Variants in DNM1 observed in about 807,000 individuals in gnomAD.
The protein encoded by DNM1 is dynamin-1.
Under a neutral mutation model 104.6 loss-of-function variants are expected in DNM1, and 29 were observed. That is an observed-to-expected ratio of 0.28 (90% CI 0.21 to 0.38). The LOEUF is 0.38. Ranked by LOEUF, DNM1 falls within the 10% of genes least tolerant of loss-of-function variation. DNM1 has a pLI of 1.00. For missense variants in DNM1, 640 were observed against 1,189.4 expected (o/e 0.54, Z 6.79); for synonymous variants, 445 against 475.8 (o/e 0.94, Z 0.84).
At position 128,243,389 on chromosome 9, in the gene DNM1, CG is replaced by C. The variant is rs144072096; in HGVS notation, c.1671+1049del. Among the ~76,000 whole-genome samples the C allele has an allele frequency of 1.6e-4, 25 of 152,134 alleles. No homozygotes were observed. Among genetic ancestry groups the C allele is most frequent in the Admixed American group, 1.6e-3 (25 of 15,280 alleles). On this transcript the variant is annotated intron_variant, in intron 15 of 21. Coordinates refer to ENST00000372923, the MANE Select transcript of DNM1 (RefSeq NM_004408.4). The surrounding 1 kb of genome is among the most constrained non-coding windows in gnomAD (Gnocchi z 4.0). The stretch of plus-strand genomic sequence containing the variant: ...CTGTTGGAGGCTACAGCATCCTCAA[CG>C]GGGGAGCGGGGCTCTGGGTGGGGCC...
chr9:128,249,383 G>A (rs1330886380), intron 19 of DNM1, among the ~76,000 whole-genome samples: 10 of 151,386 alleles, frequency 6.6e-5, no homozygotes, highest in Non-Finnish European at 1.0e-4. Context: ...TTGGCCGGGC[G>A]CGGTAGTTCA....
Position 128,218,115 on chromosome 9 carries a change from G to A in DNM1, c.162-116G>A, listed in dbSNP as rs1834721519. The A allele has an allele frequency of 9.6e-6, 9 of 938,962 alleles. No homozygotes were observed. Among genetic ancestry groups the A allele is most frequent in the Admixed American group, 5.1e-5 (3 of 58,646 alleles). 58.2% of individuals were successfully genotyped at this position (938,962 alleles called of 1,614,324 possible). A position where few individuals can be genotyped will look rare whatever the true frequency, so the allele number is the denominator to read the frequency against. Reference sequence around the variant, plus strand: ...ACCTGAAGCCCCTGGGCTAAGGAGCGGTGGAGCCAGCACTTTGGAAGGAGC... The same window carrying A: ...ACCTGAAGCCCCTGGGCTAAGGAGCAGTGGAGCCAGCACTTTGGAAGGAGC... On this transcript the variant is annotated intron_variant, in intron 1 of 21. Coordinates refer to ENST00000372923, the MANE Select transcript of DNM1 (RefSeq NM_004408.4). This position sits in a 1 kb window ranked among gnomAD's most constrained non-coding sequence, Gnocchi z 4.8.
In DNM1 at chr9:128,203,379, A is replaced by G; in HGVS notation, c.-92A>G. Reference sequence around the variant, plus strand: ...GGGGCGGGGGCCCCGCGGCGCAGGCAGTCTGGGCGCGCGGCTGCAGCGGCG... The same window carrying G: ...GGGGCGGGGGCCCCGCGGCGCAGGCGGTCTGGGCGCGCGGCTGCAGCGGCG... On this transcript the variant is annotated 5_prime_UTR_variant, in exon 1 of 22. Transcript: ENST00000372923. This position sits in a 1 kb window ranked among gnomAD's most constrained non-coding sequence, Gnocchi z 5.3. The G allele has an allele frequency of 8.2e-7, 1 of 1,217,986 alleles. No individual in the cohort carries two copies. The highest frequency in any genetic ancestry group is 1.0e-6 in the Non-Finnish European group (1 of 963,388). 75.4% of individuals were successfully genotyped at this position (1,217,986 alleles called of 1,614,324 possible).
At position 128,253,014 on chromosome 9, in the gene DNM1, G is replaced by T; in HGVS notation, c.2535-1640G>T. 1.5e-6 allele frequency: 2 copies of T among 1,332,314 alleles called. No homozygotes were observed. 82.5% of individuals were successfully genotyped at this position (1,332,314 alleles called of 1,614,324 possible). On this transcript the variant is annotated intron_variant, in intron 21 of 21. Transcript: ENST00000372923. The surrounding 1 kb of genome is among the most constrained non-coding windows in gnomAD (Gnocchi z 5.9). ...CCTCACAGCATGTGTGTGCACGCCC[G>T]GGCGTGTGCGTGTGTGTGTCCCCCA...
chr9:128,212,110 A>G (rs868595314), intron 1 of DNM1, among the ~76,000 whole-genome samples: 2 of 152,222 alleles, frequency 1.3e-5, no homozygotes, highest in Non-Finnish European at 1.5e-5. Flanking sequence ...AGCACATGGC[A>G]CGTGCTCAGG....
Position 128,245,699 on chromosome 9 carries a change from C to T in DNM1, c.1672-695C>T, listed in dbSNP as rs117932470. Reference sequence around the variant, plus strand: ...AGGCATGGCTCTGCAAACATGTAGGCTCGCACAATTGCCACACACATCCAC... The same window carrying T: ...AGGCATGGCTCTGCAAACATGTAGGTTCGCACAATTGCCACACACATCCAC... On this transcript the variant is annotated intron_variant, in intron 15 of 21. Coordinates refer to ENST00000372923, the MANE Select transcript of DNM1 (RefSeq NM_004408.4). This position sits in a 1 kb window ranked among gnomAD's most constrained non-coding sequence, Gnocchi z 5.2. Among the ~76,000 whole-genome samples, 1 of 152,346 alleles carries T rather than the reference C, an allele frequency of 6.6e-6. No individual in the cohort carries two copies. Among genetic ancestry groups the T allele is most frequent in the East Asian group, 1.9e-4 (1 of 5,192 alleles).
Position 128,250,785 on chromosome 9 carries a change from C to T in DNM1, c.2379C>T (p.Pro793=), listed in dbSNP as rs1215135225. The change falls in exon 21 of 22, where the codon CCC becomes CCT. Residue 793 remains proline (P), a synonymous_variant. Coordinates refer to ENST00000372923, the MANE Select transcript of DNM1 (RefSeq NM_004408.4). ...RRAPAVPPAR[P]GSRGPAPGPP... ...CCCCCGCCGTGCCCCCAGCCCGGCC[C>T]GGGTCGCGGGGCCCTGCTCCTGGGC... 3.6e-6 allele frequency: 5 copies of T among 1,373,954 alleles called. No homozygotes were observed. The highest frequency in any genetic ancestry group is 1.5e-5 in the African/African-American group (1 of 65,612). The allele number at this position is 1,373,954 out of a possible 1,614,324, so 85.1% of individuals were successfully genotyped here. A position where few individuals can be genotyped will look rare whatever the true frequency, so the allele number is the denominator to read the frequency against.
chr9:128,250,136 G>C lies in DNM1; in HGVS notation c.2098G>C (p.Glu700Gln). Residue 700 changes from glutamate (E) to glutamine (Q), a missense_variant, in exon 20 of 22, where the codon GAG becomes CAG. This residue lies in a region of DNM1 where 129 missense variants were observed against 224.6 expected (regional missense o/e 0.57). Transcript: ENST00000372923. ...GCAGACCAAGGAGTTCATCTTCTCG[G>C]AGCTGCTGGCCAACCTGTACTCGTG... is the stretch of plus-strand genomic sequence containing the variant. ...INNTKEFIFS[E>Q]LLANLYSCGD... is the part of the protein sequence containing the mutation. 1 of 1,614,184 alleles carries C rather than the reference G, an allele frequency of 6.2e-7. No homozygotes were observed. Among genetic ancestry groups the C allele is most frequent in the Non-Finnish European group, 8.5e-7 (1 of 1,180,026 alleles).
Position 128,243,920 on chromosome 9 carries a change from G to T in DNM1, c.1671+1575G>T, listed in dbSNP as rs1298759172. Among the ~76,000 whole-genome samples the T allele has an allele frequency of 6.6e-6, 1 of 151,666 alleles. No homozygotes were observed. The highest frequency in any genetic ancestry group is 2.4e-5 in the African/African-American group (1 of 41,138). On this transcript the variant is annotated intron_variant, in intron 15 of 21. Coordinates refer to ENST00000372923, the MANE Select transcript of DNM1 (RefSeq NM_004408.4). The surrounding 1 kb of genome is among the most constrained non-coding windows in gnomAD (Gnocchi z 4.0). ...GATGGGAGTCAGCTGTGGGCTGTGG[G>T]TGCTGGGAGGCGGGGTGTGTTTGTG...
chr9:128,226,190 G>A, intron 10 of DNM1: 1 of 1,612,482 alleles, frequency 6.2e-7, no homozygotes, highest in Non-Finnish European at 8.5e-7. Flanking sequence ...CGGCCGCCTG[G>A]GCGGGGCTGG....
chr9:128,247,405 G>T lies in DNM1; in HGVS notation c.1812G>T (p.Glu604Asp). ...RNVYKDYRQLELACETQEEVD... is the reference protein window; with the variant it reads ...RNVYKDYRQLDLACETQEEVD... ...TCTACAAGGATTATCGGCAGCTGGA[G>T]CTAGCCTGTGAGACACAGGAGGAGG... is the stretch of plus-strand genomic sequence containing the variant. The change falls in exon 17 of 22, where the codon GAG (glutamate) becomes GAT (aspartate). Residue 604 changes from glutamate (E) to aspartate (D), a missense_variant. This residue lies in a region of DNM1 where 91 missense variants were observed against 256.3 expected (regional missense o/e 0.36). Coordinates refer to ENST00000372923, the MANE Select transcript of DNM1 (RefSeq NM_004408.4). The surrounding 1 kb of genome is among the most constrained non-coding windows in gnomAD (Gnocchi z 5.1). 1 of 1,613,404 alleles carries T rather than the reference G, an allele frequency of 6.2e-7. No individual in the cohort carries two copies. The highest frequency in any genetic ancestry group is 8.5e-7 in the Non-Finnish European group (1 of 1,179,542).
chr9:128,234,141 T>TC, intron 11 of DNM1, 34 bp downstream of exon 11: 1 of 1,485,964 alleles, frequency 6.7e-7, no homozygotes, highest in Non-Finnish European at 9.0e-7. Context: ...GGCCGCGCCT[T>TC]CCTTCCACTC....
At position 128,231,934 on chromosome 9, in the gene DNM1, G is replaced by A. The variant is rs1045136386; in HGVS notation, c.1336-2087G>A. 2.2e-5 allele frequency: 10 copies of A among 451,392 alleles called. 1 individual carries two copies. Among genetic ancestry groups the A allele is most frequent in the South Asian group, 1.3e-4 (8 of 63,862 alleles). The allele number at this position is 451,392 out of a possible 1,614,324, so 28.0% of individuals were successfully genotyped here. A position where few individuals can be genotyped will look rare whatever the true frequency, so the allele number is the denominator to read the frequency against. On this transcript the variant is annotated intron_variant, in intron 10 of 21. Transcript: ENST00000372923. ...TGACTGCTAACCCGGTGGGCTCCAG[G>A]CTGATCGCCCCCTCAGCCAAGGGCT...
intron 1 of DNM1, among the ~76,000 whole-genome samples, chr9:128,205,051 C>T (rs1371906575): frequency 2.0e-5 from 3 of 152,054 alleles, no homozygotes; most frequent in East Asian, 3.9e-4. Flanking sequence ...GGAAGGCCAC[C>T]GTGGGGGCGG....
At position 128,203,782 on chromosome 9, in the gene DNM1, C is replaced by T. The variant is rs1833652563; in HGVS notation, c.161+151C>T. On this transcript the variant is annotated intron_variant, in intron 1 of 21. Coordinates refer to ENST00000372923, the MANE Select transcript of DNM1 (RefSeq NM_004408.4). This position sits in a 1 kb window ranked among gnomAD's most constrained non-coding sequence, Gnocchi z 5.3. ...CACCCCCAGCCGGAGCGAGGAGGCCCTCCCCCCACCACGAGAGCCCCTCGG... is the reference window on the plus strand; with the variant it reads ...CACCCCCAGCCGGAGCGAGGAGGCCTTCCCCCCACCACGAGAGCCCCTCGG... 3.1e-6 allele frequency: 2 copies of T among 650,538 alleles called. No individual in the cohort carries two copies. The highest frequency in any genetic ancestry group is 4.3e-6 in the Non-Finnish European group (2 of 466,080). The allele number at this position is 650,538 out of a possible 1,614,324, so 40.3% of individuals were successfully genotyped here.
rs1353321688 is a variant in DNM1 at position 128,220,474 on chromosome 9, A to C, written c.849+133A>C. ...TAGACAAACTGAGCCTCAGAAAAGC[A>C]AAGCAACTTGCCCACAGCCCCACAG... On this transcript the variant is annotated intron_variant, in intron 6 of 21. Coordinates refer to ENST00000372923, the MANE Select transcript of DNM1 (RefSeq NM_004408.4). This position sits in a 1 kb window ranked among gnomAD's most constrained non-coding sequence, Gnocchi z 5.2. 13 of 1,191,846 alleles carry C rather than the reference A, an allele frequency of 1.1e-5. No homozygotes were observed. The highest frequency in any genetic ancestry group is 1.5e-5 in the Non-Finnish European group (13 of 859,128). 73.8% of individuals were successfully genotyped at this position (1,191,846 alleles called of 1,614,324 possible). A position where few individuals can be genotyped will look rare whatever the true frequency, so the allele number is the denominator to read the frequency against.
intron 11 of DNM1, among the ~76,000 whole-genome samples, chr9:128,238,738 C>T (rs13440295): frequency 0.036 from 5,431 of 151,332 alleles, 318 homozygotes; most frequent in African/African-American, 0.12. Flanking sequence ...TCACTGCAAG[C>T]TCCGCCTCCT....
chr9:128,248,397 G>C lies in DNM1; in HGVS notation c.1906-186G>C, dbSNP rs772292701. 5.9e-5 allele frequency: 36 copies of C among 605,134 alleles called. No homozygotes were observed. The highest frequency in any genetic ancestry group is 9.9e-5 in the Non-Finnish European group (35 of 352,296). 37.5% of individuals were successfully genotyped at this position (605,134 alleles called of 1,614,324 possible). Reference sequence around the variant, plus strand: ...GGCACTAGAGTCAGAACCAAGACAAGGCTGAATCAGGGGAGTCTAGGGTCC... The same window carrying C: ...GGCACTAGAGTCAGAACCAAGACAACGCTGAATCAGGGGAGTCTAGGGTCC... On this transcript the variant is annotated intron_variant, in intron 18 of 21. Transcript: ENST00000372923. This position sits in a 1 kb window ranked among gnomAD's most constrained non-coding sequence, Gnocchi z 5.6.
chr9:128,239,101 A>G (rs1836198941), intron 11 of DNM1, among the ~76,000 whole-genome samples: 1 of 144,018 alleles, frequency 6.9e-6, no homozygotes, highest in African/African-American at 2.6e-5. Flanking sequence ...GGGCTCAATC[A>G]ATCCTCCCTC....
Sources: gnomAD v4.1 joint callset for allele counts (sites outside exome capture counted in the v4.1 genomes callset) on GRCh38, gnomAD v4.1.1 for gene constraint, gnomAD v4.1.1 regional missense constraint, Gnocchi (gnomAD v3.1) non-coding constraint, MANE v1.5 for transcripts, NCBI Gene and HGNC (gene_info 2026-07-23, HGNC 2026-07-21) for gene names.